The following PAX7 variants were observed in gnomAD, a reference collection of about 807,000 sequenced individuals.
PAX7 encodes paired box protein Pax-7.
A neutral mutation model predicts 50.7 loss-of-function variants in PAX7; 18 were observed. That is an observed-to-expected ratio of 0.36 (90% confidence interval 0.25 to 0.53). The LOEUF (loss-of-function observed/expected upper bound fraction) is 0.53, where lower values mean the gene tolerates loss of function less well. PAX7 is among the 20% of genes least tolerant of loss of function. PAX7 has a pLI of 0.93. For synonymous variants in PAX7, 310 were observed against 290.4 expected (o/e 1.07, Z -0.69); for missense variants, 644 against 702.9 (o/e 0.92, Z 0.95).
In PAX7 at chr1:18,635,288, G is replaced by A. The variant is rs1461055655; in HGVS notation, c.451+48G>A. The A allele has an allele frequency of 5.0e-6, 8 of 1,605,622 alleles. No homozygotes were observed. The East Asian group carries it at 1.8e-4, about 36-fold the overall frequency. On this transcript the variant is annotated intron_variant, in intron 3 of 8. Coordinates refer to ENST00000420770, the MANE Select transcript of PAX7 (RefSeq NM_001135254.2). ...AGAGCTGGCCCAGAGTGTGGCCAGG[G>A]GTCCAGTGTGGAGGGCTGGAGGTGG...
At chr1:18,699,609 G>A (rs1230558135) in intron 5 of PAX7, among the ~76,000 whole-genome samples, 1 of 149,900 alleles carries the variant, frequency 6.7e-6, no homozygotes, top group Admixed American at 6.6e-5. Flanking sequence ...CGCCCAGGCT[G>A]GAGTGCAGTG....
chr1:18,668,113 C>T (rs1472045761), intron 4 of PAX7, among the ~76,000 whole-genome samples: 1 of 152,124 alleles, frequency 6.6e-6, no homozygotes, highest in Non-Finnish European at 1.5e-5. Flanking sequence ...GCCCAAGATG[C>T]ACCACAGCCC....
intron 7 of PAX7, among the ~76,000 whole-genome samples, chr1:18,708,923 A>G (rs1229143709): frequency 3.9e-5 from 6 of 152,180 alleles, no homozygotes; most frequent in Non-Finnish European, 7.3e-5. Context: ...AAAGTCATTC[A>G]GAGCTGCAGT....
intron 7 of PAX7, among the ~76,000 whole-genome samples, chr1:18,716,093 T>C (rs938343116): frequency 1.3e-5 from 2 of 152,146 alleles, no homozygotes; most frequent in African/African-American, 2.4e-5. Context: ...TCCCCGGCTG[T>C]GAACACGCTT....
rs1229834448 is a variant in PAX7, at chr1:18,748,321, A to T, written c.*3392A>T. The T allele has an allele frequency of 1.3e-5, 3 of 228,326 alleles. No individual in the cohort carries two copies. The East Asian group carries it at 1.9e-4, about 14-fold the overall frequency. 14.1% of individuals were successfully genotyped at this position (228,326 alleles called of 1,614,324 possible). On this transcript the variant is annotated 3_prime_UTR_variant, in exon 9 of 9. Coordinates refer to ENST00000420770, the MANE Select transcript of PAX7 (RefSeq NM_001135254.2). ...GACACTCCATCACCCAACTAAAAAG[A>T]TGTTCTCTGGGACCTCTCTCAGGCT...
chr1:18,738,918 G>A (rs112802053), intron 8 of PAX7, among the ~76,000 whole-genome samples: 4 of 152,258 alleles, frequency 2.6e-5, no homozygotes, highest in African/African-American at 9.6e-5. Context: ...TTGGCATTTT[G>A]GAGGCCCTGA....
chr1:18,668,214 C>T (rs1199434426), intron 4 of PAX7, among the ~76,000 whole-genome samples: 5 of 152,118 alleles, frequency 3.3e-5, no homozygotes, highest in African/African-American at 7.2e-5. Context: ...AAGTTCTGGC[C>T]CAGAGTCAGA....
intron 8 of PAX7, among the ~76,000 whole-genome samples, chr1:18,743,384 A>G (rs1931252593): frequency 6.6e-6 from 1 of 152,208 alleles, no homozygotes; most frequent in Admixed American, 6.5e-5. Context: ...CCCTGGCCTC[A>G]TCCTCAGGCC....
chr1:18,652,007 A>AG (rs921588251), intron 4 of PAX7, among the ~76,000 whole-genome samples: 1 of 152,034 alleles, frequency 6.6e-6, no homozygotes, highest in African/African-American at 2.4e-5. Flanking sequence ...AGGTCAGGCC[A>AG]GGGGGGATTG....
chr1:18,725,003 T>G (rs1046557252), intron 7 of PAX7, among the ~76,000 whole-genome samples: 6 of 152,142 alleles, frequency 3.9e-5, no homozygotes, highest in African/African-American at 1.4e-4. Context: ...ACAAAGTAGG[T>G]GATGGGCACA....
chr1:18,742,156 T>C (rs923570137), intron 8 of PAX7, among the ~76,000 whole-genome samples: 6,492 of 136,698 alleles, frequency 0.047, 402 homozygotes, highest in South Asian at 0.07. Flanking sequence ...TTCTTTTTTT[T>C]TTTTTTTTTT....
intron 4 of PAX7, among the ~76,000 whole-genome samples, chr1:18,643,617 G>T (rs571440938): frequency 9.8e-4 from 149 of 152,350 alleles, no homozygotes; most frequent in African/African-American, 3.4e-3. Flanking sequence ...GGGAGAGCAC[G>T]GGCCGAGAGG....
rs189834238 is a variant in PAX7, at chr1:18,666,602, T to C, written c.587-25152T>C. On this transcript the variant is annotated intron_variant, in intron 4 of 8. Coordinates refer to ENST00000420770, the MANE Select transcript of PAX7 (RefSeq NM_001135254.2). ...AGTAAAGGTGATGCCAGCCAGTGAT[T>C]GTGGGCAAAGGCTTTGGGGTGGGGG... Among the ~76,000 whole-genome samples the C allele has an allele frequency of 5.4e-4, 82 of 152,266 alleles. No homozygotes were observed. In the East Asian group the frequency reaches 0.015, roughly 27 times the overall value.
rs562420673 is a variant in PAX7, at chr1:18,632,096, C to A, written c.85+408C>A. ...CTCTTGTTTTGAATTATTTTTTCCACCCCCGGGATTGGTCTTCCAGTCCTT... is the reference window on the plus strand; with the variant it reads ...CTCTTGTTTTGAATTATTTTTTCCAACCCCGGGATTGGTCTTCCAGTCCTT... On this transcript the variant is annotated intron_variant, in intron 1 of 8. Coordinates refer to ENST00000420770, the MANE Select transcript of PAX7 (RefSeq NM_001135254.2). This position sits in a 1 kb window ranked among gnomAD's most constrained non-coding sequence, Gnocchi z 6.3. Among the ~76,000 whole-genome samples, 24 of 152,266 alleles carry A rather than the reference C, an allele frequency of 1.6e-4. 1 individual carries two copies. The South Asian group carries it at 3.5e-3, about 22-fold the overall frequency.
At chr1:18,691,982 G>A in intron 5 of PAX7, 29 bp downstream of exon 5, 2 of 1,595,070 alleles carry the variant, frequency 1.3e-6, no homozygotes, top group Non-Finnish European at 1.7e-6. Context: ...TGTCGGTGCT[G>A]CAGATATACT....
chr1:18,699,971 G>T (rs542945278), intron 5 of PAX7, among the ~76,000 whole-genome samples: 1 of 152,244 alleles, frequency 6.6e-6, no homozygotes, highest in East Asian at 1.9e-4. Context: ...AATGGGAATA[G>T]GAGAATACGT....
intron 4 of PAX7, among the ~76,000 whole-genome samples, chr1:18,660,858 G>C (rs767589553): frequency 6.6e-6 from 1 of 152,178 alleles, no homozygotes; most frequent in Non-Finnish European, 1.5e-5. Context: ...ATGAGTTAGG[G>C]GAGAAATGGG....
At chr1:18,652,165 T>G in intron 4 of PAX7, among the ~76,000 whole-genome samples, 1 of 138,976 alleles carries the variant, frequency 7.2e-6, no homozygotes, top group African/African-American at 2.7e-5. Flanking sequence ...AGTGGGGGTG[T>G]GCAGAGCCGG....
intron 5 of PAX7, among the ~76,000 whole-genome samples, chr1:18,696,212 C>A (rs1417804340): frequency 6.6e-6 from 1 of 152,010 alleles, no homozygotes; most frequent in Non-Finnish European, 1.5e-5. Flanking sequence ...ATTACAGGTG[C>A]CCACCACCAT....
Sources: allele counts gnomAD v4.1 joint callset (sites outside exome capture counted in the v4.1 genomes callset), GRCh38; gene constraint gnomAD v4.1.1; non-coding constraint Gnocchi (gnomAD v3.1); transcripts MANE v1.5; gene names NCBI Gene and HGNC (gene_info 2026-07-23, HGNC 2026-07-21).